BABAM2: variants seen among roughly 807,000 people sequenced by gnomAD.
BABAM2 encodes BRISC and BRCA1-A complex member 2.
A neutral mutation model predicts 54.7 loss-of-function variants in BABAM2; 31 were observed. That is an observed-to-expected ratio of 0.57 (90% CI 0.43 to 0.77). BABAM2 has a LOEUF of 0.77. Ranked by LOEUF, BABAM2 falls within the 30% of genes least tolerant of loss-of-function variation. The pLI, the probability that BABAM2 is intolerant of heterozygous loss-of-function variation, is 0.00. For missense variants in BABAM2, 364 were observed against 455.8 expected, an observed-to-expected ratio of 0.80 and a Z score of 1.83; for synonymous variants, 167 against 162.9, an observed-to-expected ratio of 1.03 and a Z score of -0.19.
intron 5 of BABAM2, among the ~76,000 whole-genome samples, chr2:28,026,948 T>TATATATATAAATATA (rs1558667974): frequency 1.6e-4 from 12 of 73,374 alleles, no homozygotes; most frequent in African/African-American, 8.2e-4. Context: ...AAATATATAT[T>TATATATATAAATATA]AATATATATA....
chr2:28,097,864 TC>T (rs925740305), intron 6 of BABAM2, among the ~76,000 whole-genome samples: 5 of 152,252 alleles, frequency 3.3e-5, no homozygotes, highest in Admixed American at 6.5e-5. Flanking sequence ...ACTAGCACTT[TC>T]CCCTCTGTAA....
chr2:28,251,423 C>T (rs1238764302), intron 10 of BABAM2, among the ~76,000 whole-genome samples: 2 of 152,078 alleles, frequency 1.3e-5, no homozygotes, highest in Non-Finnish European at 2.9e-5. Flanking sequence ...ATGCTTCTGC[C>T]GAGCTCTGAT....
intron 6 of BABAM2, among the ~76,000 whole-genome samples, chr2:28,085,709 T>C (rs754883261): frequency 2.6e-5 from 4 of 152,186 alleles, no homozygotes; most frequent in African/African-American, 7.2e-5. Context: ...GTGCTACCCA[T>C]AAAAACTTTA....
At chr2:27,943,544 C>G (rs1327743644) in intron 3 of BABAM2, among the ~76,000 whole-genome samples, 1 of 152,144 alleles carries the variant, frequency 6.6e-6, no homozygotes, top group Non-Finnish European at 1.5e-5. Flanking sequence ...ACCTGCCACT[C>G]TAATGGAAGT....
At chr2:27,890,017 A>G (rs750343591), upstream of BABAM2, 1 of 445,496 alleles carries the variant, frequency 2.2e-6, no homozygotes. The surrounding 1 kb of genome is among the most constrained non-coding windows in gnomAD (Gnocchi z 4.8). Context: ...GCTTTGAGTA[A>G]TATTAGAGCT....
chr2:28,253,856 T>C (rs2148111871), intron 10 of BABAM2, among the ~76,000 whole-genome samples: 1 of 152,304 alleles, frequency 6.6e-6, no homozygotes, highest in South Asian at 2.1e-4. Context: ...GCTGGAGTTG[T>C]TCCTCAGTGG....
chr2:27,923,174 A>G (rs1667455309), intron 2 of BABAM2, among the ~76,000 whole-genome samples: 4 of 152,226 alleles, frequency 2.6e-5, no homozygotes, highest in Non-Finnish European at 5.9e-5. Context: ...AAAGACTTTC[A>G]TATGCCTTAC....
At chr2:28,105,637 C>T (rs150805915) in intron 6 of BABAM2, among the ~76,000 whole-genome samples, 5 of 152,156 alleles carry the variant, frequency 3.3e-5, no homozygotes, top group Admixed American at 1.3e-4. Context: ...GCGTTGTTGG[C>T]GATGTATGTT....
intron 6 of BABAM2, among the ~76,000 whole-genome samples, chr2:28,108,083 T>A (rs1667682574): frequency 1.3e-5 from 2 of 152,014 alleles, no homozygotes. Flanking sequence ...TTAAACATAG[T>A]TTTGTTTGTT....
chr2:28,321,677 G>A lies in BABAM2; in HGVS notation c.1089-16773G>A, dbSNP rs530309848. On this transcript the variant is annotated intron_variant, in intron 11 of 11. Coordinates refer to ENST00000379624, the MANE Select transcript of BABAM2 (RefSeq NM_199191.3). ...CCAAACAATGTGCTCTTGGCAGAGGGAGGGCCGGTGTCTTTTCAGGCAAAA... is the reference window on the plus strand; with the variant it reads ...CCAAACAATGTGCTCTTGGCAGAGGAAGGGCCGGTGTCTTTTCAGGCAAAA... 7.9e-5 allele frequency among the ~76,000 whole-genome samples: 12 copies of A among 152,274 alleles called. No homozygotes were observed. The South Asian group carries it at 2.5e-3, about 32-fold the overall frequency.
chr2:28,061,313 C>T (rs1363808946), intron 6 of BABAM2, among the ~76,000 whole-genome samples: 2 of 151,690 alleles, frequency 1.3e-5, no homozygotes, highest in Non-Finnish European at 2.9e-5. Flanking sequence ...AGGCCTGGTG[C>T]GGTGGCTCAT....
chr2:28,225,178 C>G (rs114702589), intron 7 of BABAM2, among the ~76,000 whole-genome samples: 46 of 152,272 alleles, frequency 3.0e-4, no homozygotes, highest in Admixed American at 1.8e-3. Flanking sequence ...CCGGGCTGAT[C>G]GCAGTAGAGA....
At chr2:27,916,266 A>G (rs1666959721) in intron 2 of BABAM2, among the ~76,000 whole-genome samples, 1 of 146,478 alleles carries the variant, frequency 6.8e-6, no homozygotes, top group Non-Finnish European at 1.5e-5. Context: ...GGATCAAGGC[A>G]TAAAAACAGT....
At chr2:27,999,595 G>T (rs1673432398) in intron 4 of BABAM2, among the ~76,000 whole-genome samples, 1 of 152,184 alleles carries the variant, frequency 6.6e-6, no homozygotes, top group South Asian at 2.1e-4. Flanking sequence ...CTTAGGTTTT[G>T]TTTTCCTTCT....
intron 2 of BABAM2, among the ~76,000 whole-genome samples, chr2:27,900,648 T>G (rs899506330): frequency 1.3e-5 from 2 of 152,160 alleles, no homozygotes; most frequent in Non-Finnish European, 2.9e-5. Flanking sequence ...TGGTTTGTTC[T>G]TGTGGTTTGG....
chr2:28,273,312 ATTCTGAGG>A (rs1685585258), intron 10 of BABAM2, among the ~76,000 whole-genome samples: 1 of 152,162 alleles, frequency 6.6e-6, no homozygotes, highest in Non-Finnish European at 1.5e-5. Flanking sequence ...GCCTTGGCAG[ATTCTGAGG>A]ACTGAGCACC....
intron 6 of BABAM2, among the ~76,000 whole-genome samples, chr2:28,050,884 A>G (rs542682517): frequency 1.1e-4 from 17 of 152,320 alleles, no homozygotes; most frequent in African/African-American, 3.1e-4. Context: ...CTGTGTGGAC[A>G]TACTTGATTT....
chr2:27,950,680 AC>A (rs1184715026), intron 3 of BABAM2, among the ~76,000 whole-genome samples: 1 of 151,684 alleles, frequency 6.6e-6, no homozygotes, highest in Admixed American at 6.6e-5. Context: ...TGCTAAGTGA[AC>A]CCTTTTCTTC....
At chr2:28,134,304 T>C (rs1031741506) in intron 7 of BABAM2, 3 of 152,222 alleles carry the variant, frequency 2.0e-5, no homozygotes, top group Admixed American at 2.0e-4. Context: ...TTGCTTTTTT[T>C]TCCCCTGGCA....
Sources: allele counts gnomAD v4.1 joint callset (sites outside exome capture counted in the v4.1 genomes callset), GRCh38; gene constraint gnomAD v4.1.1; non-coding constraint Gnocchi (gnomAD v3.1); transcripts MANE v1.5; gene names NCBI Gene and HGNC (gene_info 2026-07-23, HGNC 2026-07-21).